The following SPPL3 variants were observed in gnomAD, a reference collection of about 807,000 sequenced individuals.
SPPL3 encodes signal peptide peptidase like 3, also known as signal peptide peptidase-like 3.
Under a neutral mutation model 42.4 loss-of-function variants are expected in SPPL3, and 5 were observed. The observed-to-expected ratio is 0.12, with a 90% CI of 0.06 to 0.25. SPPL3 has a LOEUF of 0.25. Among genes scored for constraint, SPPL3 ranks in the 10% least tolerant of loss-of-function variants. SPPL3 has a pLI of 1.00. For missense variants in SPPL3, 235 were observed against 489.0 expected (o/e 0.48, Z 4.90); for synonymous variants, 195 against 181.8 (o/e 1.07, Z -0.58).
chr12:120,872,386 C>A (rs374523511), intron 1 of SPPL3, among the ~76,000 whole-genome samples: 1 of 152,194 alleles, frequency 6.6e-6, no homozygotes, highest in Non-Finnish European at 1.5e-5. Context: ...TGTGATCCCC[C>A]TCCAGGGAAA....
chr12:120,817,055 C>T (rs1234528353), intron 1 of SPPL3, among the ~76,000 whole-genome samples: 2 of 151,422 alleles, frequency 1.3e-5, no homozygotes, highest in African/African-American at 2.4e-5. Context: ...TCTAGGAGTC[C>T]GAGGTGGGAG....
intron 1 of SPPL3, among the ~76,000 whole-genome samples, chr12:120,884,144 T>A (rs899409914): frequency 2.0e-5 from 3 of 149,318 alleles, no homozygotes; most frequent in Non-Finnish European, 4.4e-5. Flanking sequence ...CTAGTTTTTT[T>A]AAAAAGCAAA....
intron 1 of SPPL3, among the ~76,000 whole-genome samples, chr12:120,900,597 GAAAA>G (rs10657271): frequency 1.6e-5 from 2 of 123,088 alleles, no homozygotes; most frequent in Non-Finnish European, 3.3e-5. Context: ...CTGTCTCAAG[GAAAA>G]AAAAAAAAAA....
intron 1 of SPPL3, among the ~76,000 whole-genome samples, chr12:120,821,713 G>A (rs911514597): frequency 2.6e-5 from 4 of 152,132 alleles, no homozygotes; most frequent in Non-Finnish European, 5.9e-5. Context: ...CTCAGGATAT[G>A]TGCTCATAAA....
chr12:120,871,401 A>C lies in SPPL3; in HGVS notation c.23+32444T>G, dbSNP rs570334144. On this transcript the variant is annotated intron_variant, in intron 1 of 10. Coordinates refer to ENST00000353487, the MANE Select transcript of SPPL3 (RefSeq NM_139015.5). The stretch of plus-strand genomic sequence containing the variant: ...ATCATCCCTTGGTATCCTGGTATCC[A>C]CGGGGGATTGATTCCAGGATCCCCC... Among the ~76,000 whole-genome samples the C allele has an allele frequency of 1.7e-3, 260 of 152,296 alleles. 2 individuals are homozygous for C. The highest frequency in any genetic ancestry group is 6.0e-3 in the African/African-American group (250 of 41,564).
chr12:120,825,003 C>T (rs1871195947), intron 1 of SPPL3, among the ~76,000 whole-genome samples: 1 of 151,792 alleles, frequency 6.6e-6, no homozygotes, highest in African/African-American at 2.4e-5. Flanking sequence ...AAACATGCCC[C>T]CCACCCCCAG....
intron 1 of SPPL3, among the ~76,000 whole-genome samples, chr12:120,823,560 C>T (rs886486216): frequency 5.9e-5 from 9 of 152,188 alleles, no homozygotes; most frequent in Admixed American, 3.3e-4. Flanking sequence ...TGCTCTCTGG[C>T]TCCGTATTTT....
At chr12:120,784,279 A>T in intron 4 of SPPL3, 195 bp downstream of exon 4, 1 of 475,916 alleles carries the variant, frequency 2.1e-6, no homozygotes, top group East Asian at 4.1e-5. Context: ...GGCAGGTCTC[A>T]ACAGATGACG....
intron 1 of SPPL3, among the ~76,000 whole-genome samples, chr12:120,894,971 A>AAACAAACC (rs1873755794): frequency 7.1e-6 from 1 of 140,858 alleles, no homozygotes; most frequent in African/African-American, 2.5e-5. Context: ...ACAAACAAAC[A>AAACAAACC]AACCTGCTAA....
intron 1 of SPPL3, among the ~76,000 whole-genome samples, chr12:120,869,849 T>C (rs1872867523): frequency 6.6e-6 from 1 of 152,186 alleles, no homozygotes; most frequent in Non-Finnish European, 1.5e-5. Flanking sequence ...ATATATGTTC[T>C]GGAACAAACA....
chr12:120,821,597 A>G (rs777236100), intron 1 of SPPL3, among the ~76,000 whole-genome samples: 8 of 152,242 alleles, frequency 5.3e-5, no homozygotes, highest in South Asian at 4.1e-4. Context: ...CTGCTTTAGA[A>G]CTTGTACAAA....
intron 2 of SPPL3, among the ~76,000 whole-genome samples, chr12:120,799,379 T>C (rs1870213296): frequency 6.6e-6 from 1 of 152,236 alleles, no homozygotes; most frequent in African/African-American, 2.4e-5. Flanking sequence ...ACTGCCTTTG[T>C]ACCATCATGA....
chr12:120,902,375 C>T (rs949861073), intron 1 of SPPL3, among the ~76,000 whole-genome samples: 1 of 152,148 alleles, frequency 6.6e-6, no homozygotes, highest in Admixed American at 6.5e-5. Context: ...TATAAATAAT[C>T]CACTCAAAGT....
chr12:120,898,575 T>C (rs147412342), intron 1 of SPPL3, among the ~76,000 whole-genome samples: 330 of 151,998 alleles, frequency 2.2e-3, no homozygotes, highest in Non-Finnish European at 3.5e-3. Context: ...CTGACTTAGG[T>C]TGTTAGAAGG....
At chr12:120,830,855 T>TC (rs1871404625) in intron 1 of SPPL3, among the ~76,000 whole-genome samples, 1 of 152,106 alleles carries the variant, frequency 6.6e-6, no homozygotes, top group Admixed American at 6.5e-5. Flanking sequence ...TGATGGTTAA[T>TC]TTTATGTATC....
intron 2 of SPPL3, among the ~76,000 whole-genome samples, chr12:120,804,224 C>A (rs898019898): frequency 2.0e-5 from 3 of 152,026 alleles, no homozygotes; most frequent in African/African-American, 7.2e-5. Flanking sequence ...ATCTAAATAG[C>A]CTTTTTTGGA....
chr12:120,872,209 T>C (rs552540264), intron 1 of SPPL3, among the ~76,000 whole-genome samples: 2 of 152,328 alleles, frequency 1.3e-5, no homozygotes, highest in South Asian at 4.1e-4. Context: ...AACCCACAGA[T>C]ACAGAGGGCT....
rs527339173 is a variant in SPPL3, at chr12:120,781,555, GTTTTTTTTTT to G, written c.502+1090_502+1099del. ...TCTAATCCCATCTCCTTATTGTTAC[GTTTTTTTTTT>G]TTTTTTTTTTTTTTTTTTTTTTTTT... On this transcript the variant is annotated intron_variant, in intron 6 of 10. Coordinates refer to ENST00000353487, the MANE Select transcript of SPPL3 (RefSeq NM_139015.5). 9.5e-5 allele frequency among the ~76,000 whole-genome samples: 6 copies of G among 63,010 alleles called. 1 individual carries two copies. Among genetic ancestry groups the G allele is most frequent in the African/African-American group, 2.7e-4 (4 of 14,642 alleles). The allele number at this position is 63,010 out of a possible 152,430, so 41.3% of individuals were successfully genotyped here.
chr12:120,807,087 G>C (rs1870522277), intron 2 of SPPL3, among the ~76,000 whole-genome samples: 1 of 152,164 alleles, frequency 6.6e-6, no homozygotes, highest in African/African-American at 2.4e-5. Flanking sequence ...CAAATCATAT[G>C]ACTGAGAGAG....
Sources: allele counts gnomAD v4.1 joint callset (sites outside exome capture counted in the v4.1 genomes callset), GRCh38; gene constraint gnomAD v4.1.1; transcripts MANE v1.5; gene names NCBI Gene and HGNC (gene_info 2026-07-23, HGNC 2026-07-21).